The following ZNF425 variants were observed in gnomAD, a reference collection of about 807,000 sequenced individuals.
The protein encoded by ZNF425 is zinc finger protein 425.
Under a neutral mutation model 17.0 loss-of-function variants are expected in ZNF425, and 21 were observed. The ratio of observed to expected loss-of-function variants is 1.23; its 90% CI spans 0.88 to 1.78. The LOEUF (loss-of-function observed/expected upper bound fraction) is 1.78. Among genes scored for constraint, ZNF425 ranks in the 40% most tolerant of loss-of-function variants. ZNF425 has a pLI of 0.00. For synonymous variants in ZNF425, 433 were observed against 384.1 expected, an observed-to-expected ratio of 1.13 and a Z score of -1.49; for missense variants, 868 against 967.3, an observed-to-expected ratio of 0.90 and a Z score of 1.36.
At chr7:149,121,482 C>T (rs780714970) in intron 1 of ZNF425, among the ~76,000 whole-genome samples, 1 of 150,746 alleles carries the variant, frequency 6.6e-6, no homozygotes, top group Non-Finnish European at 1.5e-5. Flanking sequence ...ACCTCCGCCT[C>T]CCGGGATCAA....
chr7:149,118,933 C>G (rs1309941430), intron 1 of ZNF425, among the ~76,000 whole-genome samples: 1 of 152,018 alleles, frequency 6.6e-6, no homozygotes, highest in African/African-American at 2.4e-5. Context: ...AAGACTGGGT[C>G]TAGTATTGCT....
At chr7:149,116,265 C>T (rs1463448131) in intron 2 of ZNF425, among the ~76,000 whole-genome samples, 1 of 152,206 alleles carries the variant, frequency 6.6e-6, no homozygotes, top group Non-Finnish European at 1.5e-5. Flanking sequence ...CATGGAATTC[C>T]AGTTTCACAT....
At position 149,105,367 on chromosome 7, in the gene ZNF425, T is replaced by C. The variant is rs148093291; in HGVS notation, c.504A>G (p.Lys168=). The part of the protein sequence containing the change: ...VSITAYDPDK[K]DLRHKPRETP... ...TCTCCCGAGGCTTATGCCGCAGGTCTTTCTTGTCTGGATCATATGCTGTGA... is the reference window on the plus strand; with the variant it reads ...TCTCCCGAGGCTTATGCCGCAGGTCCTTCTTGTCTGGATCATATGCTGTGA... Residue 168 remains lysine, a synonymous_variant, in exon 4 of 4, where the codon AAA becomes AAG. Transcript: ENST00000378061. The C allele has an allele frequency of 2.0e-4, 316 of 1,612,582 alleles. No individual in the cohort carries two copies. The highest frequency in any genetic ancestry group is 2.4e-4 in the Non-Finnish European group (284 of 1,179,496).
intron 3 of ZNF425, among the ~76,000 whole-genome samples, chr7:149,109,196 C>A (rs1380531312): frequency 6.6e-6 from 1 of 151,664 alleles, no homozygotes; most frequent in African/African-American, 2.4e-5. Flanking sequence ...TCCTGTCTCA[C>A]CCTCCTCAGT....
chr7:149,126,247 G>T lies in ZNF425; in HGVS notation c.-34C>A, dbSNP rs759528185. 3.7e-6 allele frequency: 6 copies of T among 1,607,322 alleles called. No homozygotes were observed. The African/African-American group carries it at 5.3e-5, about 14-fold the overall frequency. ...CGCACGAACCGGCCCTGCCTGGCACGGCCTCCCCTCCGCTCCGCCCCAACC... is the reference window on the plus strand; with the variant it reads ...CGCACGAACCGGCCCTGCCTGGCACTGCCTCCCCTCCGCTCCGCCCCAACC... On this transcript the variant is annotated 5_prime_UTR_variant, in exon 1 of 4. Coordinates refer to ENST00000378061, the MANE Select transcript of ZNF425 (RefSeq NM_001001661.3).
chr7:149,103,462 C>T lies in ZNF425; in HGVS notation c.*150G>A. 9.9e-7 allele frequency: 1 copy of T among 1,009,156 alleles called. No homozygotes were observed. The highest frequency in any genetic ancestry group is 1.8e-5 in the South Asian group (1 of 56,106). 62.5% of individuals were successfully genotyped at this position (1,009,156 alleles called of 1,614,324 possible). ...CAAACTTCTGGGCTCAAGCGATCCT[C>T]CCACCTGGGCCTCCCAAAGTAATGG... On this transcript the variant is annotated 3_prime_UTR_variant, in exon 4 of 4. Transcript: ENST00000378061.
rs1826189109 is a variant in ZNF425, at chr7:149,112,370, A to G, written c.146-75T>C. On this transcript the variant is annotated intron_variant, in intron 2 of 3. Coordinates refer to ENST00000378061, the MANE Select transcript of ZNF425 (RefSeq NM_001001661.3). ...TTTTTTTGGCCGGGTGTGGTGGCTC[A>G]CGCCTGTAATCCCAGCACTTTGGGA... 2.2e-6 allele frequency: 3 copies of G among 1,372,848 alleles called. No individual in the cohort carries two copies. In the Admixed American group the frequency reaches 5.6e-5, roughly 26 times the overall value. The allele number at this position is 1,372,848 out of a possible 1,614,324, so 85.0% of individuals were successfully genotyped here.
rs774718243 is a variant in ZNF425, at chr7:149,105,235, G to A, written c.636C>T (p.His212=). The change falls in exon 4 of 4, where the codon CAC becomes CAT. Residue 212 remains histidine, a synonymous_variant. Coordinates refer to ENST00000378061, the MANE Select transcript of ZNF425 (RefSeq NM_001001661.3). ...GGTATCTGCAGAGCTGGCTCTTGGA[G>A]TGGCTCCGTTTGTGCTTTAGCAAAT... ...RRDLLKHKRS[H]SKSQLCRYPK... 2 of 1,614,212 alleles carry A rather than the reference G, an allele frequency of 1.2e-6. No individual in the cohort carries two copies. The highest frequency in any genetic ancestry group is 1.1e-5 in the South Asian group (1 of 91,086).
At chr7:149,107,737 A>C (rs1826105018) in intron 3 of ZNF425, among the ~76,000 whole-genome samples, 1 of 152,026 alleles carries the variant, frequency 6.6e-6, no homozygotes, top group Non-Finnish European at 1.5e-5. Flanking sequence ...TACCCACTAG[A>C]TCTGGAAAGG....
At chr7:149,123,734 G>T (rs1393470750) in intron 1 of ZNF425, among the ~76,000 whole-genome samples, 1 of 151,638 alleles carries the variant, frequency 6.6e-6, no homozygotes, top group Non-Finnish European at 1.5e-5. Context: ...GTTTCGCCAT[G>T]TTGGCCAGGC....
intron 3 of ZNF425, among the ~76,000 whole-genome samples, chr7:149,106,687 T>C (rs559708897): frequency 7.2e-5 from 11 of 152,126 alleles, no homozygotes; most frequent in Non-Finnish European, 1.3e-4. Flanking sequence ...ATGAAAAAAA[T>C]TGCAAGCAAA....
chr7:149,112,974 T>C (rs936896019), intron 2 of ZNF425, among the ~76,000 whole-genome samples: 4 of 109,546 alleles, frequency 3.7e-5, no homozygotes, highest in African/African-American at 9.2e-5. Context: ...CCCGTGACCC[T>C]TTTTTTTTTT....
intron 3 of ZNF425, among the ~76,000 whole-genome samples, chr7:149,106,769 C>T (rs959532048): frequency 6.6e-6 from 1 of 152,094 alleles, no homozygotes; most frequent in Non-Finnish European, 1.5e-5. Context: ...ATGAGTTACT[C>T]TGATCATCTG....
intron 1 of ZNF425, chr7:149,125,897 T>A: frequency 1.8e-6 from 1 of 571,146 alleles, no homozygotes; most frequent in Admixed American, 3.1e-5. Flanking sequence ...ACCTAGCGCA[T>A]ATACAGCGCA....
In ZNF425 at chr7:149,103,941, C is replaced by G. The variant is rs140516632; in HGVS notation, c.1930G>C (p.Gly644Arg). 179 of 1,614,052 alleles carry G rather than the reference C, an allele frequency of 1.1e-4. No individual in the cohort carries two copies. The African/African-American group carries it at 2.1e-3, about 19-fold the overall frequency. The change falls in exon 4 of 4, where the codon GGC becomes CGC. Residue 644 changes from glycine (G) to arginine (R), a missense_variant. This residue lies in a region of ZNF425 where 437 missense variants were observed against 444.2 expected (regional missense o/e 0.98). Transcript: ENST00000378061. ...CGGTACTGTTGAGTGAAACTTTTGC[C>G]GCACATCACACAAGAGAATGGCTTT... ...GQKPFSCVMC[G>R]KSFTQQYRLT...
At chr7:149,123,996 C>CA (rs1826406818) in intron 1 of ZNF425, among the ~76,000 whole-genome samples, 1 of 151,216 alleles carries the variant, frequency 6.6e-6, no homozygotes, top group African/African-American at 2.4e-5. Flanking sequence ...TACAGGCGCC[C>CA]ACCACCACAC....
intron 3 of ZNF425, among the ~76,000 whole-genome samples, chr7:149,110,955 C>T (rs904435922): frequency 6.6e-6 from 1 of 151,716 alleles, no homozygotes; most frequent in Non-Finnish European, 1.5e-5. Context: ...CCAACACCCC[C>T]GGCTAATTTT....
At chr7:149,107,871 T>TATTTA (rs1189752569) in intron 3 of ZNF425, among the ~76,000 whole-genome samples, 4 of 151,174 alleles carry the variant, frequency 2.6e-5, no homozygotes, top group African/African-American at 9.7e-5. Flanking sequence ...TTTATTTATT[T>TATTTA]ATTTATTTTT....
In ZNF425 at chr7:149,114,371, CTTT is replaced by C. The variant is rs55950010; in HGVS notation, c.146-2079_146-2077del. On this transcript the variant is annotated intron_variant, in intron 2 of 3. Transcript: ENST00000378061. ...ACAGGCGTGAGCCACTGCGCCCAGCCTTTTTTTTTTTTTTTTTTTCTTTGAAAT... is the reference window on the plus strand; with the variant it reads ...ACAGGCGTGAGCCACTGCGCCCAGCCTTTTTTTTTTTTTTTTCTTTGAAAT... 5.3e-3 allele frequency among the ~76,000 whole-genome samples: 594 copies of C among 112,538 alleles called. 3 individuals are homozygous for C. Among genetic ancestry groups the C allele is most frequent in the African/African-American group, 0.018 (541 of 29,876 alleles). 73.8% of individuals were successfully genotyped at this position (112,538 alleles called of 152,430 possible).
Sources: allele counts gnomAD v4.1 joint callset (sites outside exome capture counted in the v4.1 genomes callset), GRCh38; gene constraint gnomAD v4.1.1; regional missense constraint gnomAD v4.1.1; transcripts MANE v1.5; gene names NCBI Gene and HGNC (gene_info 2026-07-23, HGNC 2026-07-21).